CSMD1: variants seen among roughly 807,000 people sequenced by gnomAD.
CSMD1 encodes CUB and Sushi multiple domains 1.
In CSMD1, 213 loss-of-function variants were observed where a neutral mutation model predicts 417.5. That is an observed-to-expected ratio of 0.51 (90% CI 0.46 to 0.57). The LOEUF is 0.57. CSMD1 is among the 20% of genes least tolerant of loss of function. CSMD1 has a pLI of 0.00. For missense variants in CSMD1, 6,923 were observed against 4,529.7 expected (o/e 1.53, Z -15.17); for synonymous variants, 2,862 against 1,736.8 (o/e 1.65, Z -16.11).
intron 24 of CSMD1, 143 bp from the exon 25 acceptor site, chr8:3,307,964 T>TTCAATATTTCTTCCAAA: frequency 1.1e-6 from 1 of 929,482 alleles, no homozygotes; most frequent in South Asian, 1.9e-5. Flanking sequence ...TCCTGACCGT[T>TTCAATATTTCTTCCAAA]TCAATATTTC....
rs569769957 is a variant in CSMD1 at position 3,697,422 on chromosome 8, C to T, written c.1009+10992G>A. ...CTTGATATTTAACTCTTGGTCTCTT[C>T]GTTATGTTTATATCAAGGCTAATTA... is the stretch of plus-strand genomic sequence containing the variant. On this transcript the variant is annotated intron_variant, in intron 7 of 69. Coordinates refer to ENST00000635120, the MANE Select transcript of CSMD1 (RefSeq NM_033225.6). 3.9e-5 allele frequency among the ~76,000 whole-genome samples: 6 copies of T among 152,234 alleles called. No individual in the cohort carries two copies. The South Asian group carries it at 8.3e-4, about 21-fold the overall frequency.
At chr8:3,247,969 C>T (rs1025677448) in intron 26 of CSMD1, among the ~76,000 whole-genome samples, 1 of 152,180 alleles carries the variant, frequency 6.6e-6, no homozygotes, top group South Asian at 2.1e-4. Flanking sequence ...CTCCCGAAAT[C>T]TGCAGGTCGC....
At chr8:4,811,414 A>G (rs970878562) in intron 1 of CSMD1, among the ~76,000 whole-genome samples, 2 of 152,100 alleles carry the variant, frequency 1.3e-5, no homozygotes, top group African/African-American at 4.8e-5. Flanking sequence ...TATTATGTTG[A>G]ATCATATAAA....
At chr8:4,608,059 G>T (rs903552855) in intron 2 of CSMD1, among the ~76,000 whole-genome samples, 2 of 152,146 alleles carry the variant, frequency 1.3e-5, no homozygotes, top group Admixed American at 6.5e-5. Flanking sequence ...CCAGGTGAAG[G>T]CCCTGGGAGG....
chr8:4,035,032 T>A (rs1275197185), intron 3 of CSMD1, among the ~76,000 whole-genome samples: 1 of 152,162 alleles, frequency 6.6e-6, no homozygotes, highest in Admixed American at 6.6e-5. Flanking sequence ...TCAATTAACT[T>A]TGGTATGAAT....
chr8:4,277,729 C>T (rs532519083), intron 3 of CSMD1, among the ~76,000 whole-genome samples: 4 of 152,050 alleles, frequency 2.6e-5, no homozygotes, highest in Non-Finnish European at 5.9e-5. Context: ...TTAGACCTTA[C>T]CCATTCCCTA....
At chr8:4,014,419 C>T (rs891606697) in intron 4 of CSMD1, among the ~76,000 whole-genome samples, 1 of 152,124 alleles carries the variant, frequency 6.6e-6, no homozygotes, top group Non-Finnish European at 1.5e-5. Flanking sequence ...TAATCTTCTC[C>T]AGGAGAATAT....
intron 23 of CSMD1, among the ~76,000 whole-genome samples, chr8:3,329,151 A>C (rs1806728964): frequency 6.6e-6 from 1 of 152,130 alleles, no homozygotes; most frequent in Admixed American, 6.6e-5. Flanking sequence ...TGAAGGAGAG[A>C]GGCGATGCCA....
At chr8:3,846,678 G>C (rs750848141) in intron 5 of CSMD1, among the ~76,000 whole-genome samples, 3 of 152,136 alleles carry the variant, frequency 2.0e-5, no homozygotes, top group Admixed American at 6.6e-5. Flanking sequence ...TTTAGTTTGA[G>C]ATGGAGTTTC....
chr8:3,978,981 G>T (rs576420410), intron 5 of CSMD1, among the ~76,000 whole-genome samples: 4 of 152,192 alleles, frequency 2.6e-5, no homozygotes, highest in Non-Finnish European at 5.9e-5. Context: ...CTAGAAGCTT[G>T]CATTTTACAA....
chr8:3,079,975 A>G (rs1813965966), intron 49 of CSMD1, among the ~76,000 whole-genome samples: 1 of 152,214 alleles, frequency 6.6e-6, no homozygotes, highest in Non-Finnish European at 1.5e-5. Flanking sequence ...AGCTATCTCT[A>G]TCTAAAAGGC....
chr8:3,118,699 T>C (rs1817012434), intron 41 of CSMD1, 112 bp from the exon 42 acceptor site: 1 of 875,118 alleles, frequency 1.1e-6, no homozygotes, highest in Non-Finnish European at 1.8e-6. Context: ...GTTGGATAAG[T>C]TTAATAAGGT....
chr8:4,050,447 G>T (rs1205319740), intron 3 of CSMD1, among the ~76,000 whole-genome samples: 7 of 151,388 alleles, frequency 4.6e-5, no homozygotes, highest in African/African-American at 9.7e-5. Context: ...CATACTTATG[G>T]GGTACATATT....
At chr8:3,266,323 C>T (rs6988478) in intron 26 of CSMD1, among the ~76,000 whole-genome samples, 44,829 of 151,082 alleles carry the variant, frequency 0.3, 6,914 homozygotes, top group East Asian at 0.36. Context: ...GAGAACCACC[C>T]GGCCGGGCAC....
chr8:4,095,579 T>C (rs971050759), intron 3 of CSMD1, among the ~76,000 whole-genome samples: 30 of 152,030 alleles, frequency 2.0e-4, no homozygotes, highest in Non-Finnish European at 1.8e-4. Context: ...TTTGGGAGAG[T>C]CAAAGAAAAC....
intron 2 of CSMD1, among the ~76,000 whole-genome samples, chr8:4,577,754 T>C (rs1359388061): frequency 6.6e-6 from 1 of 152,214 alleles, no homozygotes; most frequent in Non-Finnish European, 1.5e-5. Flanking sequence ...TTGATTACTT[T>C]ATCTGCCTGT....
intron 7 of CSMD1, among the ~76,000 whole-genome samples, chr8:3,666,204 T>C (rs1798685952): frequency 6.6e-6 from 1 of 152,202 alleles, no homozygotes; most frequent in African/African-American, 2.4e-5. Context: ...CTTGATGCTT[T>C]GTTTTTCTCA....
chr8:4,669,023 T>A (rs1426710005), intron 1 of CSMD1, among the ~76,000 whole-genome samples: 1 of 152,222 alleles, frequency 6.6e-6, no homozygotes, highest in East Asian at 1.9e-4. Context: ...CTCATTTCCT[T>A]TGAAATATTA....
intron 1 of CSMD1, among the ~76,000 whole-genome samples, chr8:4,912,320 A>C (rs1805745563): frequency 6.6e-6 from 1 of 151,598 alleles, no homozygotes; most frequent in South Asian, 2.1e-4. Context: ...CTAATAAAAG[A>C]AGAGGGAAGA....
Sources: allele counts gnomAD v4.1 joint callset (sites outside exome capture counted in the v4.1 genomes callset), GRCh38; gene constraint gnomAD v4.1.1; transcripts MANE v1.5; gene names NCBI Gene and HGNC (gene_info 2026-07-23, HGNC 2026-07-21).